Variants in DNAH10 observed in about 807,000 individuals in gnomAD.
DNAH10 encodes dynein axonemal heavy chain 10, also known as axonemal beta dynein heavy chain 10.
In DNAH10, 348 loss-of-function variants were observed where a neutral mutation model predicts 506.6. The ratio of observed to expected loss-of-function variants is 0.69; its 90% CI spans 0.63 to 0.75. DNAH10 has a LOEUF of 0.75. DNAH10 is among the 30% of genes least tolerant of loss of function. DNAH10 has a pLI of 0.00. For synonymous variants in DNAH10, 2,059 were observed against 2,198.6 expected, an observed-to-expected ratio of 0.94 and a Z score of 1.78; for missense variants, 5,179 against 5,787.1, an observed-to-expected ratio of 0.89 and a Z score of 3.41.
intron 21 of DNAH10, among the ~76,000 whole-genome samples, chr12:123,814,849 C>T (rs1959088379): frequency 6.6e-6 from 1 of 152,122 alleles, no homozygotes; most frequent in Non-Finnish European, 1.5e-5. Flanking sequence ...GATCTCCTGA[C>T]CTTGTGATCC....
rs368588563 is a variant in DNAH10 at position 123,916,460 on chromosome 12, G to A, written c.10726G>A (p.Ala3576Thr). The stretch of plus-strand genomic sequence containing the variant: ...ATCTGCCTCCCTTCTCTTCCAGGTC[G>A]CTTCCTTTAATGACCCTGACTTCCT... Reference protein sequence around the residue: ...RKEEKNNLRVASFNDPDFLKQ... With the variant: ...RKEEKNNLRVTSFNDPDFLKQ... Residue 3576 changes from alanine (A) to threonine (T), a missense_variant, in exon 63 of 79, where the codon GCT (alanine) becomes ACT (threonine). Coordinates refer to ENST00000673944, the MANE Select transcript of DNAH10 (RefSeq NM_001372106.1). The surrounding 1 kb of genome is among the most constrained non-coding windows in gnomAD (Gnocchi z 4.6). The A allele has an allele frequency of 8.0e-5, 128 of 1,603,500 alleles. 1 individual carries two copies. Among genetic ancestry groups the A allele is most frequent in the Non-Finnish European group, 6.2e-5 (73 of 1,174,184 alleles).
rs1480114104 is a variant in DNAH10, at chr12:123,846,947, C to T, written c.5814+793C>T. On this transcript the variant is annotated intron_variant, in intron 32 of 78. Transcript: ENST00000673944. This position sits in a 1 kb window ranked among gnomAD's most constrained non-coding sequence, Gnocchi z 4.5. ...GAGAACAGGAAGCCCCTGCTGCCTC[C>T]TGTGCTGTGAGTGATAAAGTCCTTT... is the stretch of plus-strand genomic sequence containing the variant. 4.6e-5 allele frequency among the ~76,000 whole-genome samples: 7 copies of T among 152,174 alleles called. No homozygotes were observed. The highest frequency in any genetic ancestry group is 1.7e-4 in the African/African-American group (7 of 41,430).
intron 45 of DNAH10, among the ~76,000 whole-genome samples, chr12:123,872,915 G>A (rs1952093596): frequency 6.6e-6 from 1 of 152,230 alleles, no homozygotes; most frequent in Non-Finnish European, 1.5e-5. Flanking sequence ...TGGAGCTGAT[G>A]CATAATTAGT....
chr12:123,921,429 C>G (rs978354455), intron 65 of DNAH10, among the ~76,000 whole-genome samples: 1 of 152,232 alleles, frequency 6.6e-6, no homozygotes, highest in Admixed American at 6.5e-5. Context: ...CCAAAGTTCA[C>G]TTGGGTGGGG....
chr12:123,793,504 A>G (rs1958163027), intron 11 of DNAH10, among the ~76,000 whole-genome samples: 10 of 151,956 alleles, frequency 6.6e-5, no homozygotes. Flanking sequence ...ATGCCCGGCT[A>G]ATTTTTTGTA....
chr12:123,898,111 G>A (rs971568729), intron 55 of DNAH10, 144 bp downstream of exon 55: 8 of 787,598 alleles, frequency 1.0e-5, no homozygotes, highest in Non-Finnish European at 1.1e-5. Flanking sequence ...GTCTTGGAGC[G>A]ATTCTTTCAT....
At chr12:123,893,888 G>T (rs1953101867) in intron 53 of DNAH10, among the ~76,000 whole-genome samples, 1 of 152,172 alleles carries the variant, frequency 6.6e-6, no homozygotes, top group African/African-American at 2.4e-5. Context: ...AGCCAGGGAT[G>T]CTGTGAAGCA....
Position 123,897,962 on chromosome 12 carries a change from A to C in DNAH10, c.9473A>C (p.Asn3158Thr), listed in dbSNP as rs186829657. 28 of 1,585,912 alleles carry C rather than the reference A, an allele frequency of 1.8e-5. No individual in the cohort carries two copies. The highest frequency in any genetic ancestry group is 2.4e-5 in the Non-Finnish European group (28 of 1,169,430). The change falls in exon 55 of 79, where the codon AAT becomes ACT. Residue 3158 changes from asparagine (N) to threonine (T), a missense_variant. This residue lies in a region of DNAH10 where 4,844 missense variants were observed against 5,430.5 expected (regional missense o/e 0.89). Transcript: ENST00000673944. ...TTGCTGGATGAGAAAACTCAGTGTA[A>C]TATAGGTAAGCCTTGGGGATGGGGT... ...SKLLDEKTQC[N>T]IAQCKRLDGG... is the part of the protein sequence containing the mutation.
intron 1 of DNAH10, among the ~76,000 whole-genome samples, chr12:123,763,626 C>A (rs1391988138): frequency 6.9e-6 from 1 of 144,188 alleles, no homozygotes; most frequent in East Asian, 2.0e-4. Flanking sequence ...TGCAGTGGTG[C>A]GATCTTGACT....
At chr12:123,775,416 T>C (rs993937041) in intron 5 of DNAH10, among the ~76,000 whole-genome samples, 10 of 152,154 alleles carry the variant, frequency 6.6e-5, no homozygotes, top group Non-Finnish European at 2.9e-5. Context: ...GCCTGAGCTT[T>C]ATAGACCAAA....
At chr12:123,883,943 CA>C (rs1383669373) in intron 51 of DNAH10, among the ~76,000 whole-genome samples, 1 of 152,148 alleles carries the variant, frequency 6.6e-6, no homozygotes, top group Admixed American at 6.5e-5. Flanking sequence ...ATGTCTACCT[CA>C]GAACCTTTTG....
chr12:123,847,064 C>A (rs1449133328), intron 32 of DNAH10, among the ~76,000 whole-genome samples: 1 of 151,392 alleles, frequency 6.6e-6, no homozygotes, highest in Non-Finnish European at 1.5e-5. Flanking sequence ...AGCTGGATGG[C>A]TGTCTGTCTG....
Position 123,828,891 on chromosome 12 carries a change from A to G in DNAH10, c.4392-1655A>G, listed in dbSNP as rs550886841. 4.6e-5 allele frequency among the ~76,000 whole-genome samples: 7 copies of G among 152,204 alleles called. No homozygotes were observed. The South Asian group carries it at 1.5e-3, about 32-fold the overall frequency. ...CTTTCCCTTCGATGTAATTTACTGT[A>G]ATTGAAAGGACTGGGCGGGAACTGG... On this transcript the variant is annotated intron_variant, in intron 25 of 78. Transcript: ENST00000673944.
Position 123,935,347 on chromosome 12 carries a change from A to T in DNAH10, c.13636A>T (p.Thr4546Ser). 1.2e-6 allele frequency: 2 copies of T among 1,602,644 alleles called. No individual in the cohort carries two copies. The highest frequency in any genetic ancestry group is 1.7e-6 in the Non-Finnish European group (2 of 1,170,692). The change falls in exon 79 of 79, where the codon ACC becomes TCC. Residue 4546 changes from threonine to serine, a missense_variant. By Grantham distance (58) the Thr-to-Ser change is moderately conservative. Transcript: ENST00000673944. ...CTTTCCCTTGCAGAATACTTTCCGG[A>T]CCCCCGTCTACACCACCTCCATGAG... ...HRLKLQNTFR[T>S]PVYTTSMRRN...
Position 123,902,972 on chromosome 12 carries a change from C to T in DNAH10, c.9674C>T (p.Ala3225Val). The change falls in exon 57 of 79, where the codon GCC (alanine) becomes GTC (valine). Residue 3225 changes from alanine (A) to valine (V), a missense_variant. Physicochemically the swap from Ala to Val is moderately conservative, Grantham distance 64. This residue lies in a region of DNAH10 where 4,844 missense variants were observed against 5,430.5 expected (regional missense o/e 0.89). Transcript: ENST00000673944. This position sits in a 1 kb window ranked among gnomAD's most constrained non-coding sequence, Gnocchi z 4.5. ...AAGAAGAAACTGGCAGAGGAAAAGGCCATGGAGATAGAGGAGCAGAACAAA... is the reference window on the plus strand; with the variant it reads ...AAGAAGAAACTGGCAGAGGAAAAGGTCATGGAGATAGAGGAGCAGAACAAA... ...EEKKKLAEEKAMEIEEQNKVI... is the reference protein window; with the variant it reads ...EEKKKLAEEKVMEIEEQNKVI... The T allele has an allele frequency of 1.9e-6, 3 of 1,592,548 alleles. No homozygotes were observed. The highest frequency in any genetic ancestry group is 2.7e-5 in the African/African-American group (2 of 74,442).
Position 123,901,506 on chromosome 12 carries a change from A to T in DNAH10, c.9641-1433A>T, listed in dbSNP as rs187311592. ...CAGTGCTGGCTTGTTAGCTGTGGAG[A>T]TGGGTTCCGAGAGACCTTATCATGG... is the stretch of plus-strand genomic sequence containing the variant. On this transcript the variant is annotated intron_variant, in intron 56 of 78. Transcript: ENST00000673944. 1.1e-3 allele frequency among the ~76,000 whole-genome samples: 174 copies of T among 152,172 alleles called. 1 individual carries two copies. Among genetic ancestry groups the T allele is most frequent in the African/African-American group, 4.1e-3 (170 of 41,516 alleles).
chr12:123,817,860 C>G (rs1959173444), intron 21 of DNAH10, among the ~76,000 whole-genome samples: 1 of 151,926 alleles, frequency 6.6e-6, no homozygotes, highest in South Asian at 2.1e-4. Context: ...CTAAGCTAAA[C>G]TTATTCTAAT....
rs751962813 is a variant in DNAH10, at chr12:123,886,494, C to CGT, written c.8824-632_8824-631dup. On this transcript the variant is annotated intron_variant, in intron 51 of 78. Transcript: ENST00000673944. ...GCGCGCGCGCGCGTGTGTGTGCACACGTGTGTGTGTGTGTGTGAGCATGTG... is the reference window on the plus strand; with the variant it reads ...GCGCGCGCGCGCGTGTGTGTGCACACGTGTGTGTGTGTGTGTGTGAGCATGTG... Among the ~76,000 whole-genome samples the CGT allele has an allele frequency of 2.1e-3, 318 of 151,026 alleles. 3 individuals carry two copies. The highest frequency in any genetic ancestry group is 6.5e-3 in the African/African-American group (267 of 41,222).
At chr12:123,865,274 T>A (rs528812103) in intron 40 of DNAH10, among the ~76,000 whole-genome samples, 4 of 145,256 alleles carry the variant, frequency 2.8e-5, no homozygotes, top group East Asian at 3.9e-4. Context: ...TTTTTTTTTT[T>A]AAACTTTCTA....
Sources: allele counts gnomAD v4.1 joint callset (sites outside exome capture counted in the v4.1 genomes callset), GRCh38; gene constraint gnomAD v4.1.1; regional missense constraint gnomAD v4.1.1; non-coding constraint Gnocchi (gnomAD v3.1); transcripts MANE v1.5; gene names NCBI Gene and HGNC (gene_info 2026-07-23, HGNC 2026-07-21).